Variants in BMAL1 observed in about 807,000 individuals in gnomAD.
BMAL1 encodes the protein basic helix-loop-helix ARNT like 1, also known as basic helix-loop-helix ARNT-like protein 1.
chr11:13,311,833 C>T, the BMAL1 span, among the ~76,000 whole-genome samples: 14 of 152,244 alleles, frequency 9.2e-5, no homozygotes, highest in African/African-American at 3.4e-4. Flanking sequence ...TGGACCCTTG[C>T]CATGAGACAA....
chr11:13,290,830 T>G, the BMAL1 span, among the ~76,000 whole-genome samples: 3 of 152,156 alleles, frequency 2.0e-5, no homozygotes, highest in Admixed American at 2.0e-4. Flanking sequence ...ACTGCTATGT[T>G]CTTCTTTCTC....
chr11:13,288,532 C>T, the BMAL1 span, among the ~76,000 whole-genome samples: 1 of 150,980 alleles, frequency 6.6e-6, no homozygotes, highest in African/African-American at 2.4e-5. Context: ...GTTGGGGAAA[C>T]TCAGTGAGGT....
the BMAL1 span, among the ~76,000 whole-genome samples, chr11:13,310,941 G>A: frequency 1.4e-4 from 22 of 152,350 alleles, no homozygotes; most frequent in South Asian, 3.7e-3. Context: ...GAGGTCTTGC[G>A]GTGAACAGTA....
chr11:13,384,053 A>C, the BMAL1 span, among the ~76,000 whole-genome samples: 1 of 152,052 alleles, frequency 6.6e-6, no homozygotes, highest in East Asian at 1.9e-4. Flanking sequence ...ACTAGCTACT[A>C]TTTTCATTGG....
chr11:13,318,115 C>T, the BMAL1 span, among the ~76,000 whole-genome samples: 1 of 152,216 alleles, frequency 6.6e-6, no homozygotes, highest in Non-Finnish European at 1.5e-5. Flanking sequence ...CTCCGGCTGG[C>T]CCAGCCTCAC....
the BMAL1 span, chr11:13,356,620 G>T: frequency 8.7e-7 from 1 of 1,144,736 alleles, no homozygotes. Context: ...TGATACTGTG[G>T]CTGTTCGAAC....
chr11:13,381,176 G>A, the BMAL1 span: 30 of 1,614,020 alleles, frequency 1.9e-5, no homozygotes, highest in South Asian at 2.4e-4. Flanking sequence ...GAGGGTCATC[G>A]CCTTCTAGCT....
the BMAL1 span, among the ~76,000 whole-genome samples, chr11:13,299,796 T>C: frequency 0.14 from 20,822 of 152,152 alleles, 1,678 homozygotes; most frequent in East Asian, 0.29. Flanking sequence ...GTGCCCAGTT[T>C]CTTGGTTCAC....
the BMAL1 span, among the ~76,000 whole-genome samples, chr11:13,325,258 CT>C: frequency 6.6e-6 from 1 of 152,166 alleles, no homozygotes; most frequent in Non-Finnish European, 1.5e-5. Context: ...GCAGCCTCCC[CT>C]GTTCCATTTT....
At chr11:13,336,006 AGAGT>A in the BMAL1 span, among the ~76,000 whole-genome samples, 1 of 152,226 alleles carries the variant, frequency 6.6e-6, no homozygotes, top group African/African-American at 2.4e-5. Flanking sequence ...CAAGAGAGAG[AGAGT>A]GTGTGTGCGT....
At chr11:13,360,217 C>G in the BMAL1 span, 5 of 762,064 alleles carry the variant, frequency 6.6e-6, no homozygotes, top group East Asian at 1.3e-4. Context: ...CAGTTAAGGC[C>G]TAAACAATAA....
chr11:13,293,632 G>T, the BMAL1 span, among the ~76,000 whole-genome samples: 1 of 152,250 alleles, frequency 6.6e-6, no homozygotes, highest in South Asian at 2.1e-4. Context: ...AGGCAGAAAG[G>T]TTCTGCTCTC....
chr11:13,316,657 C>G, the BMAL1 span, among the ~76,000 whole-genome samples: 3,349 of 152,312 alleles, frequency 0.022, 39 homozygotes, highest in Middle Eastern at 0.078. Context: ...GGGCAACTCA[C>G]CAGGCCTCCA....
chr11:13,362,069 G>C, the BMAL1 span, among the ~76,000 whole-genome samples: 2 of 152,186 alleles, frequency 1.3e-5, no homozygotes, highest in African/African-American at 4.8e-5. Flanking sequence ...CCTGGGAATG[G>C]TGTTGGGAAT....
At chr11:13,297,654 G>C in the BMAL1 span, among the ~76,000 whole-genome samples, 1 of 152,204 alleles carries the variant, frequency 6.6e-6, no homozygotes, top group African/African-American at 2.4e-5. Flanking sequence ...CTGTGAGCCT[G>C]CCCTTTCCCA....
chr11:13,314,200 C>T, the BMAL1 span, among the ~76,000 whole-genome samples: 2 of 150,246 alleles, frequency 1.3e-5, no homozygotes, highest in Non-Finnish European at 3.0e-5. Context: ...CTGTTATGCT[C>T]AGCAACCTGA....
the BMAL1 span, among the ~76,000 whole-genome samples, chr11:13,320,312 C>A: frequency 6.6e-6 from 1 of 152,210 alleles, no homozygotes; most frequent in Non-Finnish European, 1.5e-5. Flanking sequence ...TTGTTGACTT[C>A]TTAGCACTAA....
chr11:13,343,484 T>A, the BMAL1 span, among the ~76,000 whole-genome samples: 5 of 152,174 alleles, frequency 3.3e-5, no homozygotes, highest in Non-Finnish European at 7.3e-5. Context: ...CCACTTCAAT[T>A]TGGGTGGCTG....
chr11:13,278,139 C>G, the BMAL1 span, among the ~76,000 whole-genome samples: 2 of 152,194 alleles, frequency 1.3e-5, no homozygotes, highest in Admixed American at 6.5e-5. Flanking sequence ...TTAAAGGCGC[C>G]GCGCCCGTCC....
Sources: allele counts gnomAD v4.1 joint callset (sites outside exome capture counted in the v4.1 genomes callset), GRCh38; gene constraint gnomAD v4.1.1; transcripts MANE v1.5; gene names NCBI Gene and HGNC (gene_info 2026-07-23, HGNC 2026-07-21).